ARB2A: variants seen among roughly 807,000 people sequenced by gnomAD.
ARB2A encodes ARB2 cotranscriptional regulator A.
At chr5:93,756,388 G>C in the ARB2A span, among the ~76,000 whole-genome samples, 1 of 152,160 alleles carries the variant, frequency 6.6e-6, no homozygotes, top group African/African-American at 2.4e-5. Context: ...ATGTTCTCTG[G>C]AAAGTGCCAC....
At chr5:93,731,024 T>G in the ARB2A span, among the ~76,000 whole-genome samples, 1 of 152,164 alleles carries the variant, frequency 6.6e-6, no homozygotes, top group Non-Finnish European at 1.5e-5. Context: ...CTAATACTCT[T>G]TCCTTTCCAT....
the ARB2A span, among the ~76,000 whole-genome samples, chr5:93,659,601 C>G: frequency 6.6e-6 from 1 of 152,136 alleles, no homozygotes; most frequent in Non-Finnish European, 1.5e-5. Context: ...AGCAAAGAAG[C>G]CAAATAAAGT....
At chr5:94,102,515 T>C in the ARB2A span, among the ~76,000 whole-genome samples, 1 of 151,964 alleles carries the variant, frequency 6.6e-6, no homozygotes, top group Non-Finnish European at 1.5e-5. Flanking sequence ...CCAAAAAACA[T>C]GGGATTATGT....
chr5:93,714,801 T>G, the ARB2A span, among the ~76,000 whole-genome samples: 1 of 152,192 alleles, frequency 6.6e-6, no homozygotes, highest in Non-Finnish European at 1.5e-5. Flanking sequence ...CTATTGGAGC[T>G]TTCCCAATAA....
chr5:93,632,930 C>T, the ARB2A span, among the ~76,000 whole-genome samples: 1 of 152,174 alleles, frequency 6.6e-6, no homozygotes, highest in African/African-American at 2.4e-5. Flanking sequence ...TCTGGTTTCT[C>T]AGCCCTTAGG....
At chr5:93,648,748 C>G in the ARB2A span, among the ~76,000 whole-genome samples, 1 of 152,298 alleles carries the variant, frequency 6.6e-6, no homozygotes, top group East Asian at 1.9e-4. Context: ...AATTTAAGAT[C>G]TATTTCTGGC....
the ARB2A span, among the ~76,000 whole-genome samples, chr5:94,090,954 G>T: frequency 4.6e-5 from 7 of 151,936 alleles, no homozygotes; most frequent in Non-Finnish European, 1.0e-4. Context: ...CGCTTCCTTT[G>T]GATTTATCAA....
chr5:93,937,952 ATTTT>A, the ARB2A span, among the ~76,000 whole-genome samples: 1 of 151,894 alleles, frequency 6.6e-6, no homozygotes, highest in Non-Finnish European at 1.5e-5. Flanking sequence ...ATTTAAAAAA[ATTTT>A]TTTTTGAGTA....
chr5:93,625,057 T>G, the ARB2A span, among the ~76,000 whole-genome samples: 1 of 152,106 alleles, frequency 6.6e-6, no homozygotes. Flanking sequence ...GTACTTGAGG[T>G]GCCAATAAGC....
chr5:93,633,839 TCTGTC>T, the ARB2A span, among the ~76,000 whole-genome samples: 3 of 152,092 alleles, frequency 2.0e-5, no homozygotes, highest in Admixed American at 1.3e-4. Context: ...AAGGTATTGG[TCTGTC>T]ACCCAGGCTG....
the ARB2A span, among the ~76,000 whole-genome samples, chr5:93,853,990 T>C: frequency 2.6e-5 from 4 of 152,322 alleles, 1 homozygote; most frequent in Admixed American, 2.6e-4. Flanking sequence ...TTAGGGAGGA[T>C]TCCCTCTTTT....
the ARB2A span, among the ~76,000 whole-genome samples, chr5:93,836,271 C>T: frequency 6.6e-6 from 1 of 152,166 alleles, no homozygotes; most frequent in South Asian, 2.1e-4. Flanking sequence ...TCATGATCCG[C>T]CCACCTCGGC....
chr5:93,910,922 T>A, the ARB2A span: 1 of 151,488 alleles, frequency 6.6e-6, no homozygotes, highest in Non-Finnish European at 1.5e-5. Flanking sequence ...CTATAAAACA[T>A]AAAAACAGTT....
chr5:94,000,138 G>A, the ARB2A span, among the ~76,000 whole-genome samples: 4 of 152,068 alleles, frequency 2.6e-5, no homozygotes, highest in Non-Finnish European at 5.9e-5. Context: ...CCATGTGCAG[G>A]TTTTCATGTG....
chr5:93,927,835 G>A, the ARB2A span, among the ~76,000 whole-genome samples: 1 of 151,974 alleles, frequency 6.6e-6, no homozygotes, highest in Non-Finnish European at 1.5e-5. Flanking sequence ...AGGGGAGAGG[G>A]AGAGAAAAGG....
chr5:93,857,517 C>A, the ARB2A span, among the ~76,000 whole-genome samples: 1 of 152,184 alleles, frequency 6.6e-6, no homozygotes, highest in Non-Finnish European at 1.5e-5. Context: ...GCCTCGCTGT[C>A]ACTTTCCAGT....
the ARB2A span, among the ~76,000 whole-genome samples, chr5:93,949,788 T>A: frequency 6.6e-6 from 1 of 152,090 alleles, no homozygotes; most frequent in Non-Finnish European, 1.5e-5. Context: ...CTCCCTCCCC[T>A]ACAACCCATT....
the ARB2A span, among the ~76,000 whole-genome samples, chr5:93,708,899 C>T: frequency 1.3e-4 from 20 of 152,144 alleles, no homozygotes; most frequent in Admixed American, 2.6e-4. Context: ...TAAATTTAAA[C>T]GATATAAAGT....
the ARB2A span, among the ~76,000 whole-genome samples, chr5:93,959,489 A>G: frequency 6.6e-6 from 1 of 152,062 alleles, no homozygotes; most frequent in African/African-American, 2.4e-5. Context: ...ATAGAAAACT[A>G]AAATTGGAGA....
Sources: gnomAD v4.1 joint callset for allele counts (sites outside exome capture counted in the v4.1 genomes callset) on GRCh38, gnomAD v4.1.1 for gene constraint, MANE v1.5 for transcripts, NCBI Gene and HGNC (gene_info 2026-07-23, HGNC 2026-07-21) for gene names.